The following ACOT1 variants were observed in gnomAD, a reference collection of about 807,000 sequenced individuals.
ACOT1 encodes acyl-CoA thioesterase 1.
A neutral mutation model predicts 15.7 loss-of-function variants in ACOT1; 8 were observed. The ratio of observed to expected loss-of-function variants is 0.51; its 90% CI spans 0.30 to 0.92. ACOT1 has a LOEUF of 0.92. ACOT1 is among the 40% of genes least tolerant of loss of function. The pLI is 0.06. For missense variants in ACOT1, 151 were observed against 539.4 expected, an observed-to-expected ratio of 0.28 and a Z score of 7.13; for synonymous variants, 67 against 241.2, an observed-to-expected ratio of 0.28 and a Z score of 6.69.
the ACOT1 span, chr14:73,514,014 G>A: frequency 1.2e-6 from 2 of 1,612,232 alleles, no homozygotes; most frequent in Non-Finnish European, 1.7e-6. Context: ...AGTATCACAG[G>A]ACCTCCCTTC....
Position 73,537,222 on chromosome 14 carries a change from G to A in ACOT1, c.-200G>A. 6.6e-6 allele frequency: 3 copies of A among 457,922 alleles called. 1 individual carries two copies. The highest frequency in any genetic ancestry group is 3.5e-6 in the Non-Finnish European group (1 of 286,554). The allele number at this position is 457,922 out of a possible 1,614,324, so 28.4% of individuals were successfully genotyped here. On this transcript the variant is annotated 5_prime_UTR_variant, in exon 1 of 3. Transcript: ENST00000311148. Reference sequence around the variant, plus strand: ...ATAAAGTGGAGGTTTCAACACAGGAGACTTTAAGCAAGTTCCAGTGTGTCT... The same window carrying A: ...ATAAAGTGGAGGTTTCAACACAGGAAACTTTAAGCAAGTTCCAGTGTGTCT...
At chr14:73,524,823 T>C in the ACOT1 span, among the ~76,000 whole-genome samples, 1 of 152,012 alleles carries the variant, frequency 6.6e-6, no homozygotes, top group African/African-American at 2.4e-5. Flanking sequence ...ATTCCATATG[T>C]TTCTATCCTG....
At chr14:73,502,855 G>T in the ACOT1 span, 1 of 1,491,160 alleles carries the variant, frequency 6.7e-7, no homozygotes, top group Non-Finnish European at 9.4e-7. Flanking sequence ...ACACTTCTAA[G>T]AATTTAGAAG....
At chr14:73,506,365 G>A in the ACOT1 span, 22 of 758,476 alleles carry the variant, frequency 2.9e-5, no homozygotes, top group East Asian at 4.7e-4. Context: ...ACAGAGATCT[G>A]TTTGGTAAGA....
At chr14:73,506,580 A>C in the ACOT1 span, 1 of 1,598,574 alleles carries the variant, frequency 6.3e-7, no homozygotes, top group Non-Finnish European at 8.6e-7. Context: ...GTCTGAGGAA[A>C]TGGAAGACTT....
chr14:73,515,809 G>T, the ACOT1 span, among the ~76,000 whole-genome samples: 1 of 110,134 alleles, frequency 9.1e-6, no homozygotes. Context: ...CTCTGCTGAG[G>T]CCTCCCTCCT....
the ACOT1 span, among the ~76,000 whole-genome samples, chr14:73,497,621 TA>T: frequency 9.2e-5 from 14 of 152,292 alleles, no homozygotes; most frequent in East Asian, 1.9e-3. Flanking sequence ...ATGAATAACT[TA>T]AAACCCATCC....
chr14:73,493,168 C>T, the ACOT1 span: 1 of 1,526,724 alleles, frequency 6.5e-7, no homozygotes, highest in Non-Finnish European at 9.1e-7. Flanking sequence ...GGAAAAAAAA[C>T]CCTTGATCCG....
chr14:73,509,389 G>A, the ACOT1 span: 1 of 1,614,088 alleles, frequency 6.2e-7, no homozygotes, highest in Non-Finnish European at 8.5e-7. Flanking sequence ...TATTGCTGCT[G>A]CCATCCGCAC....
At chr14:73,505,824 G>C in the ACOT1 span, among the ~76,000 whole-genome samples, 14 of 151,860 alleles carry the variant, frequency 9.2e-5, no homozygotes, top group Non-Finnish European at 1.9e-4. Flanking sequence ...TTGGCGGGGG[G>C]GAAATATGTC....
chr14:73,510,277 A>G, the ACOT1 span, among the ~76,000 whole-genome samples: 1 of 152,134 alleles, frequency 6.6e-6, no homozygotes, highest in African/African-American at 2.4e-5. Flanking sequence ...GTATCATTGT[A>G]GAGCTCACTA....
the ACOT1 span, among the ~76,000 whole-genome samples, chr14:73,525,355 GC>G: frequency 6.6e-6 from 1 of 152,114 alleles, no homozygotes; most frequent in African/African-American, 2.4e-5. Context: ...TCATCTAGAT[GC>G]CATTAGGCCA....
chr14:73,494,852 C>T, the ACOT1 span, among the ~76,000 whole-genome samples: 26 of 152,248 alleles, frequency 1.7e-4, no homozygotes, highest in African/African-American at 5.5e-4. Flanking sequence ...TGCGCCACCA[C>T]GCCCAACCAC....
the ACOT1 span, among the ~76,000 whole-genome samples, chr14:73,515,671 C>CAAAAAA: frequency 9.0e-5 from 3 of 33,486 alleles, no homozygotes; most frequent in Non-Finnish European, 1.6e-4. Flanking sequence ...GACTCCATCT[C>CAAAAAA]AAAAAAAAAA....
the ACOT1 span, among the ~76,000 whole-genome samples, chr14:73,509,899 A>G: frequency 7.7e-6 from 1 of 130,014 alleles, no homozygotes; most frequent in Non-Finnish European, 1.6e-5. Flanking sequence ...TTTGAGACGG[A>G]GTCTTGTTCT....
the ACOT1 span, among the ~76,000 whole-genome samples, chr14:73,523,983 T>TA: frequency 6.6e-6 from 1 of 152,122 alleles, no homozygotes; most frequent in African/African-American, 2.4e-5. Flanking sequence ...ACATAGTTTT[T>TA]ATTGTTAAAA....
the ACOT1 span, among the ~76,000 whole-genome samples, chr14:73,507,901 C>T: frequency 2.0e-5 from 3 of 152,174 alleles, no homozygotes; most frequent in African/African-American, 7.2e-5. Context: ...GGTACCACTG[C>T]ACCTGTCTAA....
At chr14:73,491,208 A>C in the ACOT1 span, 3 of 1,594,664 alleles carry the variant, frequency 1.9e-6, no homozygotes, top group Admixed American at 1.7e-5. Flanking sequence ...GAGAACTCGG[A>C]GGAATCGAGG....
chr14:73,499,656 AT>A, the ACOT1 span, among the ~76,000 whole-genome samples: 1 of 152,154 alleles, frequency 6.6e-6, no homozygotes, highest in African/African-American at 2.4e-5. Flanking sequence ...TCTGCTATTG[AT>A]TTTCTCAGTC....
Sources: gnomAD v4.1 joint callset for allele counts (sites outside exome capture counted in the v4.1 genomes callset) on GRCh38, gnomAD v4.1.1 for gene constraint, MANE v1.5 for transcripts, NCBI Gene and HGNC (gene_info 2026-07-23, HGNC 2026-07-21) for gene names.